Variants in TENM2 observed in about 807,000 individuals in gnomAD.
The protein encoded by TENM2 is teneurin transmembrane protein 2.
A neutral mutation model predicts 245.2 loss-of-function variants in TENM2; 52 were observed. That is an observed-to-expected ratio of 0.21 (90% CI 0.17 to 0.27). TENM2 has a LOEUF of 0.27. Among genes scored for constraint, TENM2 ranks in the 10% least tolerant of loss-of-function variants. The pLI is 1.00. For synonymous variants in TENM2, 1,363 were observed against 1,438.9 expected, an observed-to-expected ratio of 0.95 and a Z score of 1.19; for missense variants, 3,046 against 3,666.8, an observed-to-expected ratio of 0.83 and a Z score of 4.37.
At chr5:167,167,443 C>T in the TENM2 span, among the ~76,000 whole-genome samples, 28 of 152,254 alleles carry the variant, frequency 1.8e-4, no homozygotes, top group African/African-American at 6.0e-4. Flanking sequence ...GTCATAAACT[C>T]AGCTCCGGAT....
intron 16 of TENM2, 99 bp downstream of exon 18, chr5:168,199,213 G>C (rs1186454452): frequency 7.8e-7 from 1 of 1,288,222 alleles, no homozygotes; most frequent in African/African-American, 1.5e-5. Flanking sequence ...TAATATTGTA[G>C]GGGAGTAAAA....
chr5:167,817,790 T>C (rs1344041048), intron 2 of TENM2, among the ~76,000 whole-genome samples: 2 of 152,200 alleles, frequency 1.3e-5, no homozygotes, highest in Non-Finnish European at 2.9e-5. Flanking sequence ...ACCTTCAGCC[T>C]TGTGGGGGAA....
At chr5:167,876,234 G>A (rs1592800) in intron 3 of TENM2, 39 bp downstream of exon 5, 176,430 of 1,470,194 alleles carry the variant, frequency 0.12, 14,635 homozygotes, top group East Asian at 0.47. Flanking sequence ...GTGGTGTTTC[G>A]TGAGTGACAT....
At chr5:167,076,004 G>T in the TENM2 span, among the ~76,000 whole-genome samples, 2 of 152,122 alleles carry the variant, frequency 1.3e-5, no homozygotes, top group African/African-American at 4.8e-5. Context: ...ACCAGCCCTG[G>T]CTCTTTCCTT....
At chr5:167,837,658 G>T (rs980901898) in intron 2 of TENM2, among the ~76,000 whole-genome samples, 1 of 152,110 alleles carries the variant, frequency 6.6e-6, no homozygotes, top group African/African-American at 2.4e-5. Flanking sequence ...ATTCTTATTT[G>T]CACAGTTAAA....
At chr5:168,171,148 C>T (rs751868976) in intron 13 of TENM2, among the ~76,000 whole-genome samples, 11 of 152,232 alleles carry the variant, frequency 7.2e-5, no homozygotes, top group Non-Finnish European at 1.3e-4. Context: ...GGACTTATTA[C>T]GAAGTCTTCC....
At chr5:167,774,570 A>C (rs564880124) in intron 2 of TENM2, among the ~76,000 whole-genome samples, 32 of 152,288 alleles carry the variant, frequency 2.1e-4, no homozygotes, top group African/African-American at 6.3e-4. Context: ...AAGGTACACA[A>C]ATATCTAATA....
chr5:167,086,927 A>G, the TENM2 span, among the ~76,000 whole-genome samples: 6 of 47,182 alleles, frequency 1.3e-4, no homozygotes, highest in Admixed American at 6.2e-4. Context: ...TAACACACAC[A>G]CGCACACACA....
At chr5:167,863,766 G>A (rs1269477815) in intron 2 of TENM2, among the ~76,000 whole-genome samples, 3 of 152,196 alleles carry the variant, frequency 2.0e-5, no homozygotes, top group Non-Finnish European at 2.9e-5. Context: ...GAAGCTAGCA[G>A]CTAGGTAGCC....
chr5:167,084,336 T>TATATATATATATATATATATATAG, the TENM2 span, among the ~76,000 whole-genome samples: 1 of 75,338 alleles, frequency 1.3e-5, no homozygotes, highest in Non-Finnish European at 2.6e-5. Context: ...GTTATATATA[T>TATATATATATATATATATATATAG]ATATATATAT....
intron 2 of TENM2, among the ~76,000 whole-genome samples, chr5:167,487,183 C>A (rs568548968): frequency 1.2e-4 from 18 of 151,976 alleles, no homozygotes; most frequent in African/African-American, 3.9e-4. Flanking sequence ...TGGTTTGGGG[C>A]CTGGGTATTT....
intron 3 of TENM2, among the ~76,000 whole-genome samples, chr5:167,902,247 A>G (rs1348258353): frequency 6.6e-6 from 1 of 152,184 alleles, no homozygotes; most frequent in Non-Finnish European, 1.5e-5. Context: ...CCAGACTTTC[A>G]CCCTCAGTAA....
chr5:167,950,115 G>A (rs1779963120), intron 3 of TENM2, among the ~76,000 whole-genome samples: 1 of 152,086 alleles, frequency 6.6e-6, no homozygotes, highest in African/African-American at 2.4e-5. Context: ...GAAGCTCTAG[G>A]CTTTCTCATT....
intron 2 of TENM2, among the ~76,000 whole-genome samples, chr5:167,830,800 A>T (rs1015051186): frequency 6.6e-6 from 1 of 152,124 alleles, no homozygotes; most frequent in Non-Finnish European, 1.5e-5. Flanking sequence ...ATGGGCCCCA[A>T]CCTCAGTTTC....
chr5:167,774,521 C>G lies in TENM2; in HGVS notation c.503-101465C>G, dbSNP rs142181586. ...ATCTCACCATGTATCATCTCAACAGCTACATTAGGGAGAGTCTTTCTTATA... is the reference window on the plus strand; with the variant it reads ...ATCTCACCATGTATCATCTCAACAGGTACATTAGGGAGAGTCTTTCTTATA... On this transcript the variant is annotated intron_variant, in intron 2 of 28. Coordinates refer to ENST00000518659, the Ensembl canonical transcript of TENM2. 6.7e-3 allele frequency among the ~76,000 whole-genome samples: 1,013 copies of G among 152,240 alleles called. 6 individuals are homozygous for G. Among genetic ancestry groups the G allele is most frequent in the African/African-American group, 0.023 (952 of 41,540 alleles).
At chr5:167,790,413 ACT>A (rs1268829819) in intron 2 of TENM2, among the ~76,000 whole-genome samples, 1 of 152,132 alleles carries the variant, frequency 6.6e-6, no homozygotes, top group African/African-American at 2.4e-5. Context: ...GCGATGTTCG[ACT>A]CTGCATGATT....
At chr5:167,340,104 T>C (rs1028818159) in intron 1 of TENM2, among the ~76,000 whole-genome samples, 3 of 152,192 alleles carry the variant, frequency 2.0e-5, no homozygotes, top group African/African-American at 7.2e-5. Flanking sequence ...CACAAAACAC[T>C]GGAACACAGA....
chr5:167,087,325 C>G, the TENM2 span, among the ~76,000 whole-genome samples: 1 of 152,184 alleles, frequency 6.6e-6, no homozygotes, highest in Non-Finnish European at 1.5e-5. Context: ...TGTTTGCAAT[C>G]TACATGAGCA....
chr5:167,588,569 A>G (rs1208427569), intron 2 of TENM2, among the ~76,000 whole-genome samples: 1 of 152,242 alleles, frequency 6.6e-6, no homozygotes, highest in Non-Finnish European at 1.5e-5. Flanking sequence ...GTTACAGACT[A>G]CTTTTTAAAT....
Sources: allele counts gnomAD v4.1 joint callset (sites outside exome capture counted in the v4.1 genomes callset), GRCh38; gene constraint gnomAD v4.1.1; transcripts MANE v1.5; gene names NCBI Gene and HGNC (gene_info 2026-07-23, HGNC 2026-07-21).